ZNF385D: variants seen among roughly 807,000 people sequenced by gnomAD.
ZNF385D encodes the protein zinc finger protein 385D, also known as zinc finger protein 659.
In ZNF385D, 15 loss-of-function variants were observed where a neutral mutation model predicts 35.8. The observed-to-expected ratio is 0.42, with a 90% confidence interval of 0.28 to 0.64. The LOEUF is 0.64. Ranked by LOEUF, ZNF385D falls within the 30% of genes least tolerant of loss-of-function variation. The probability of loss-of-function intolerance (pLI) is 0.23; values close to 1 mark genes in which losing one functional copy is unlikely to be tolerated. For synonymous variants in ZNF385D, 212 were observed against 186.8 expected (o/e 1.13, Z -1.10); for missense variants, 474 against 494.6 (o/e 0.96, Z 0.39).
In ZNF385D at chr3:21,981,784, T is replaced by C. The variant is rs1056125175; in HGVS notation, c.325+187033A>G. Among the ~76,000 whole-genome samples, 17 of 152,224 alleles carry C rather than the reference T, an allele frequency of 1.1e-4. 2 individuals carry two copies. ...CCAGCTTCAATCTTCTGCTTATGGC[T>C]AGTCAGTTTTCCCAGCACCATTTAT... is the stretch of plus-strand genomic sequence containing the variant. On this transcript the variant is annotated intron_variant, in intron 3 of 5. Coordinates refer to the ZNF385D transcript ENST00000494108.
intron 3 of ZNF385D, among the ~76,000 whole-genome samples, chr3:21,795,313 C>T (rs2072100948): frequency 6.6e-6 from 1 of 152,168 alleles, no homozygotes; most frequent in African/African-American, 2.4e-5. Flanking sequence ...AAAGTCTGTG[C>T]CTCCCCAGAT....
At chr3:21,428,146 T>G (rs1701105620) in intron 5 of ZNF385D, among the ~76,000 whole-genome samples, 1 of 152,088 alleles carries the variant, frequency 6.6e-6, no homozygotes, top group African/African-American at 2.4e-5. Context: ...TTTAGGAAAA[T>G]GTATTCTTAA....
At chr3:21,443,230 G>A (rs944091408) in intron 4 of ZNF385D, 77 of 985,320 alleles carry the variant, frequency 7.8e-5, no homozygotes, top group African/African-American at 5.6e-4. Context: ...CACTGCTTCC[G>A]CTCTGTTCTT....
At chr3:22,324,775 A>G (rs1050703910) in intron 2 of ZNF385D, among the ~76,000 whole-genome samples, 1 of 152,330 alleles carries the variant, frequency 6.6e-6, no homozygotes, top group East Asian at 1.9e-4. Flanking sequence ...GTGCTACTCA[A>G]TACTGTGTCC....
intron 3 of ZNF385D, among the ~76,000 whole-genome samples, chr3:22,157,893 C>T (rs963956023): frequency 5.3e-5 from 8 of 152,076 alleles, no homozygotes; most frequent in African/African-American, 1.9e-4. Flanking sequence ...TATTTTTGTA[C>T]CTGCACACAA....
chr3:21,543,208 G>T (rs1328042616), intron 3 of ZNF385D, among the ~76,000 whole-genome samples: 1 of 152,160 alleles, frequency 6.6e-6, no homozygotes, highest in African/African-American at 2.4e-5. Flanking sequence ...CTACACAGGG[G>T]GCTGAGGCAG....
intron 1 of ZNF385D, among the ~76,000 whole-genome samples, chr3:21,695,338 A>C (rs1307516000): frequency 6.6e-6 from 1 of 152,184 alleles, no homozygotes; most frequent in Non-Finnish European, 1.5e-5. Context: ...TCGAGAGCTG[A>C]GAGAAAGTGA....
chr3:22,296,701 G>A (rs527272063), intron 2 of ZNF385D, among the ~76,000 whole-genome samples: 8 of 152,220 alleles, frequency 5.3e-5, no homozygotes, highest in Admixed American at 2.6e-4. Flanking sequence ...CCTTCTTGAA[G>A]AGAGCATACC....
chr3:22,135,951 A>G (rs1704074130), intron 3 of ZNF385D, among the ~76,000 whole-genome samples: 2 of 152,218 alleles, frequency 1.3e-5, no homozygotes, highest in African/African-American at 4.8e-5. Context: ...CTTTAACCTC[A>G]CACTTTATAT....
At chr3:21,934,413 C>G (rs1400070924) in intron 3 of ZNF385D, among the ~76,000 whole-genome samples, 1 of 152,100 alleles carries the variant, frequency 6.6e-6, no homozygotes, top group Non-Finnish European at 1.5e-5. Context: ...TCCAATTAAG[C>G]TATTTTGCTG....
intron 2 of ZNF385D, among the ~76,000 whole-genome samples, chr3:22,221,550 T>C (rs1199922613): frequency 6.6e-6 from 1 of 152,212 alleles, no homozygotes; most frequent in Non-Finnish European, 1.5e-5. Context: ...TGATAAAAGA[T>C]GCCTTAATTT....
At chr3:22,238,632 C>T (rs1329717509) in intron 2 of ZNF385D, among the ~76,000 whole-genome samples, 1 of 150,748 alleles carries the variant, frequency 6.6e-6, no homozygotes, top group East Asian at 2.0e-4. Flanking sequence ...ATCTATTGAT[C>T]TTTTATCCTT....
chr3:21,940,555 G>C (rs1442282961), intron 3 of ZNF385D, among the ~76,000 whole-genome samples: 1 of 152,166 alleles, frequency 6.6e-6, no homozygotes, highest in Non-Finnish European at 1.5e-5. Flanking sequence ...TCTTGCTGAA[G>C]TGCAGCAATG....
chr3:22,048,975 T>C (rs1699178402), intron 3 of ZNF385D, among the ~76,000 whole-genome samples: 1 of 152,130 alleles, frequency 6.6e-6, no homozygotes, highest in Non-Finnish European at 1.5e-5. Flanking sequence ...TTTTTCTTTG[T>C]TGGATAGTTC....
At chr3:21,780,823 C>A (rs1424767007) in intron 3 of ZNF385D, among the ~76,000 whole-genome samples, 2 of 151,908 alleles carry the variant, frequency 1.3e-5, no homozygotes, top group African/African-American at 2.4e-5. Flanking sequence ...CCAGCAACAA[C>A]AAAAGCAAGG....
chr3:21,892,880 T>C (rs555338017), intron 3 of ZNF385D, among the ~76,000 whole-genome samples: 5 of 152,222 alleles, frequency 3.3e-5, no homozygotes, highest in African/African-American at 1.2e-4. Context: ...CAAAATGAAA[T>C]AGAATAGAAT....
At chr3:21,793,748 G>C (rs1176784483) in intron 3 of ZNF385D, among the ~76,000 whole-genome samples, 1 of 152,162 alleles carries the variant, frequency 6.6e-6, no homozygotes, top group Non-Finnish European at 1.5e-5. Flanking sequence ...CCCAGTGAAA[G>C]AAAAGCACAT....
intron 3 of ZNF385D, among the ~76,000 whole-genome samples, chr3:21,928,994 C>T (rs1178418438): frequency 1.3e-5 from 2 of 152,094 alleles, no homozygotes; most frequent in African/African-American, 2.4e-5. Flanking sequence ...ACAATTTCCA[C>T]AATGCTAAGG....
At chr3:22,266,290 T>C (rs1700892072) in intron 2 of ZNF385D, among the ~76,000 whole-genome samples, 1 of 151,922 alleles carries the variant, frequency 6.6e-6, no homozygotes, top group African/African-American at 2.4e-5. Flanking sequence ...TAGAAAACAA[T>C]ATAGCAAGAT....
Sources: gnomAD v4.1 joint callset for allele counts (sites outside exome capture counted in the v4.1 genomes callset) on GRCh38, gnomAD v4.1.1 for gene constraint, MANE v1.5 for transcripts, NCBI Gene and HGNC (gene_info 2026-07-23, HGNC 2026-07-21) for gene names.